Variants in GSDME observed in about 807,000 individuals in gnomAD.
GSDME encodes the protein gasdermin-E.
Under a neutral mutation model 47.5 loss-of-function variants are expected in GSDME, and 44 were observed. The observed-to-expected ratio is 0.93, with a 90% CI of 0.73 to 1.19. GSDME has a LOEUF of 1.19. GSDME is among the 50% of genes most tolerant of loss of function. The pLI, the probability that GSDME is intolerant of heterozygous loss-of-function variation, is 0.00. For missense variants in GSDME, 663 were observed against 604.2 expected (o/e 1.10, Z -1.02); for synonymous variants, 258 against 252.8 (o/e 1.02, Z -0.20).
chr7:24,749,428 G>T, intron 2 of GSDME, 136 bp downstream of exon 2: 1 of 748,326 alleles, frequency 1.3e-6, no homozygotes. Flanking sequence ...CCTGAACCTG[G>T]GAGGCAGAGG....
rs748383753 is a variant in GSDME, at chr7:24,699,135, C to T, written c.1382G>A (p.Arg461Lys). 8 of 1,614,132 alleles carry T rather than the reference C, an allele frequency of 5.0e-6. No homozygotes were observed. The South Asian group carries it at 8.8e-5, about 18-fold the overall frequency. The change falls in exon 10 of 10, where the codon AGA becomes AAA. Residue 461 changes from arginine to lysine, a missense_variant. Coordinates refer to ENST00000645220, the MANE Select transcript of GSDME (RefSeq NM_001127453.2). ...LFASADISLE[R>K]LKSSVKAVIL... ...GACAGCTTTCACAGATGACTTCAGT[C>T]TCTCCAGACTAATGTCAGCTGAGGC...
chr7:24,772,327 C>A, the GSDME span, among the ~76,000 whole-genome samples: 3 of 152,338 alleles, frequency 2.0e-5, no homozygotes, highest in South Asian at 6.2e-4. This position sits in a 1 kb window ranked among gnomAD's most constrained non-coding sequence, Gnocchi z 4.5. Context: ...CATTCTTTGA[C>A]CCACAGGTTT....
At chr7:24,717,224 C>G (rs759359019) in intron 5 of GSDME, 30 bp downstream of exon 5, 1 of 1,613,868 alleles carries the variant, frequency 6.2e-7, no homozygotes, top group Non-Finnish European at 8.5e-7. Flanking sequence ...TGCTGGGGAT[C>G]CCTCAGCACC....
At chr7:24,701,583 C>T (rs1788872564) in intron 9 of GSDME, among the ~76,000 whole-genome samples, 1 of 152,204 alleles carries the variant, frequency 6.6e-6, no homozygotes, top group South Asian at 2.1e-4. Flanking sequence ...AAATGCTGAG[C>T]ACTCAGTTGC....
chr7:24,735,337 C>A lies in GSDME; in HGVS notation c.404+9225G>T, dbSNP rs951787261. Among the ~76,000 whole-genome samples, 4 of 152,194 alleles carry A rather than the reference C, an allele frequency of 2.6e-5. No individual in the cohort carries two copies. Among genetic ancestry groups the A allele is most frequent in the African/African-American group, 9.7e-5 (4 of 41,438 alleles). On this transcript the variant is annotated intron_variant, in intron 3 of 9. Transcript: ENST00000645220. The surrounding 1 kb of genome is among the most constrained non-coding windows in gnomAD (Gnocchi z 4.4). The stretch of plus-strand genomic sequence containing the variant: ...AGGACATTAATAAGCAATAAGAAAT[C>A]ATCTGAAAGTCCAAAATGTACTTGT...
the GSDME span, among the ~76,000 whole-genome samples, chr7:24,763,838 A>G: frequency 6.6e-6 from 1 of 152,244 alleles, no homozygotes. This position sits in a 1 kb window ranked among gnomAD's most constrained non-coding sequence, Gnocchi z 4.3. Flanking sequence ...TTTGTACAAA[A>G]TAATTTTAGA....
the GSDME span, among the ~76,000 whole-genome samples, chr7:24,768,149 T>A: frequency 6.6e-6 from 1 of 152,192 alleles, no homozygotes; most frequent in African/African-American, 2.4e-5. The surrounding 1 kb of genome is among the most constrained non-coding windows in gnomAD (Gnocchi z 5.6). Flanking sequence ...AATTAAAGGT[T>A]AAACTCGGTC....
rs191153779 is a variant in GSDME at position 24,722,881 on chromosome 7, C to T, written c.405-3663G>A. On this transcript the variant is annotated intron_variant, in intron 3 of 9. Transcript: ENST00000645220. ...TCCTGAGACGCTTGCTGAGTCGCTG[C>T]CTTCAAAAGGTCTCTGTGGGGCGGA... Among the ~76,000 whole-genome samples, 387 of 152,316 alleles carry T rather than the reference C, an allele frequency of 2.5e-3. 1 individual carries two copies. The highest frequency in any genetic ancestry group is 4.1e-3 in the Admixed American group (62 of 15,308).
Position 24,721,141 on chromosome 7 carries a change from G to C in GSDME, c.405-1923C>G, listed in dbSNP as rs1789767864. Among the ~76,000 whole-genome samples the C allele has an allele frequency of 6.6e-6, 1 of 152,204 alleles. No homozygotes were observed. Among genetic ancestry groups the C allele is most frequent in the Non-Finnish European group, 1.5e-5 (1 of 68,042 alleles). On this transcript the variant is annotated intron_variant, in intron 3 of 9. Transcript: ENST00000645220. This position sits in a 1 kb window ranked among gnomAD's most constrained non-coding sequence, Gnocchi z 4.1. ...AGTTCCTAGTTGAGGTGACGAAGAA[G>C]TTCTAGAAATGCAGAGTAGAGATGA...
At chr7:24,761,775 G>A (rs1471466724), upstream of GSDME, among the ~76,000 whole-genome samples, 2 of 152,160 alleles carry the variant, frequency 1.3e-5, no homozygotes, top group East Asian at 1.9e-4. This position sits in a 1 kb window ranked among gnomAD's most constrained non-coding sequence, Gnocchi z 4.4. Context: ...AAAAGCAAAT[G>A]TTCAAGAAAA....
chr7:24,701,073 A>T (rs1788848720), intron 9 of GSDME, among the ~76,000 whole-genome samples: 1 of 152,242 alleles, frequency 6.6e-6, no homozygotes, highest in Non-Finnish European at 1.5e-5. Context: ...AAAGCCCTTC[A>T]GAAAGCCTCT....
rs111623244 is a variant in GSDME, at chr7:24,721,795, C to T, written c.405-2577G>A. ...CAATGGCTATATCCCATGTCCAGTG[C>T]GTTCCCAGGCTGAGGCCCCATGTGA... is the stretch of plus-strand genomic sequence containing the variant. On this transcript the variant is annotated intron_variant, in intron 3 of 9. Transcript: ENST00000645220. This position sits in a 1 kb window ranked among gnomAD's most constrained non-coding sequence, Gnocchi z 4.1. Among the ~76,000 whole-genome samples the T allele has an allele frequency of 6.3e-4, 96 of 152,188 alleles. No individual in the cohort carries two copies. Among genetic ancestry groups the T allele is most frequent in the African/African-American group, 2.2e-3 (93 of 41,452 alleles).
chr7:24,752,821 C>T (rs909582475), intron 1 of GSDME, among the ~76,000 whole-genome samples: 10 of 152,182 alleles, frequency 6.6e-5, no homozygotes, highest in South Asian at 2.1e-4. Context: ...AGTTCACTCA[C>T]GCACTTGCCT....
In GSDME at chr7:24,721,368, C is replaced by T. The variant is rs1041815260; in HGVS notation, c.405-2150G>A. 3.3e-5 allele frequency among the ~76,000 whole-genome samples: 5 copies of T among 152,140 alleles called. No individual in the cohort carries two copies. The highest frequency in any genetic ancestry group is 1.2e-4 in the African/African-American group (5 of 41,426). On this transcript the variant is annotated intron_variant, in intron 3 of 9. Transcript: ENST00000645220. The surrounding 1 kb of genome is among the most constrained non-coding windows in gnomAD (Gnocchi z 4.1). ...GTGATAAAAATACATTGATGACAACCACAAAGCTGCCGAGAGACTCCATTT... is the reference window on the plus strand; with the variant it reads ...GTGATAAAAATACATTGATGACAACTACAAAGCTGCCGAGAGACTCCATTT...
rs545205208 is a variant in GSDME at position 24,721,942 on chromosome 7, T to G, written c.405-2724A>C. Reference sequence around the variant, plus strand: ...CTGATGGCCACATTTCACTGACTCATTGGTCACCTCCTCGGGGAAGCATTC... The same window carrying G: ...CTGATGGCCACATTTCACTGACTCAGTGGTCACCTCCTCGGGGAAGCATTC... On this transcript the variant is annotated intron_variant, in intron 3 of 9. Transcript: ENST00000645220. This position sits in a 1 kb window ranked among gnomAD's most constrained non-coding sequence, Gnocchi z 4.1. Among the ~76,000 whole-genome samples, 1 of 152,304 alleles carries G rather than the reference T, an allele frequency of 6.6e-6. No individual in the cohort carries two copies. Among genetic ancestry groups the G allele is most frequent in the South Asian group, 2.1e-4 (1 of 4,824 alleles).
At chr7:24,763,820 G>A in the GSDME span, among the ~76,000 whole-genome samples, 9 of 152,160 alleles carry the variant, frequency 5.9e-5, no homozygotes, top group Non-Finnish European at 8.8e-5. This position sits in a 1 kb window ranked among gnomAD's most constrained non-coding sequence, Gnocchi z 4.3. Flanking sequence ...AGCAGTGGCC[G>A]ACACAGCTTT....
At chr7:24,703,167 T>C (rs1186632706) in intron 8 of GSDME, 1 of 358,392 alleles carries the variant, frequency 2.8e-6, no homozygotes, top group African/African-American at 2.1e-5. Context: ...GACAGAAGAG[T>C]GATGTTTGAG....
the GSDME span, among the ~76,000 whole-genome samples, chr7:24,770,478 C>T: frequency 3.9e-5 from 6 of 152,076 alleles, no homozygotes; most frequent in Non-Finnish European, 8.8e-5. The surrounding 1 kb of genome is among the most constrained non-coding windows in gnomAD (Gnocchi z 4.6). Context: ...ATTTGCAGCC[C>T]GGTTACACAG....
intron 9 of GSDME, 145 bp downstream of exon 9, chr7:24,702,615 G>T (rs1302037892): frequency 8.6e-6 from 6 of 699,364 alleles, no homozygotes; most frequent in Non-Finnish European, 1.3e-5. Flanking sequence ...GTATAAAAGT[G>T]GGGTTAATAA....
Sources: gnomAD v4.1 joint callset for allele counts (sites outside exome capture counted in the v4.1 genomes callset) on GRCh38, gnomAD v4.1.1 for gene constraint, Gnocchi (gnomAD v3.1) non-coding constraint, MANE v1.5 for transcripts, NCBI Gene and HGNC (gene_info 2026-07-23, HGNC 2026-07-21) for gene names.